RORC: variants seen among roughly 807,000 people sequenced by gnomAD.
RORC encodes the protein nuclear receptor ROR-gamma.
A neutral mutation model predicts 64.5 loss-of-function variants in RORC; 13 were observed. The ratio of observed to expected loss-of-function variants is 0.20; its 90% CI spans 0.13 to 0.32. RORC has a LOEUF of 0.32. Ranked by LOEUF, RORC falls within the 10% of genes least tolerant of loss-of-function variation. RORC has a pLI of 1.00. For synonymous variants in RORC, 277 were observed against 259.3 expected (o/e 1.07, Z -0.65); for missense variants, 468 against 669.5 (o/e 0.70, Z 3.32).
chr1:151,807,167 C>T lies in RORC; in HGVS notation c.*305G>A, dbSNP rs927622185. 3.4e-6 allele frequency: 1 copy of T among 293,968 alleles called. No homozygotes were observed. The highest frequency in any genetic ancestry group is 6.4e-6 in the Non-Finnish European group (1 of 157,404). 18.2% of individuals were successfully genotyped at this position (293,968 alleles called of 1,614,324 possible). The stretch of plus-strand genomic sequence containing the variant: ...TGTTTTCTTGAGGATGTCTTGGTCC[C>T]CCAGAAGTCCTTAAATCCCAGCCAC... On this transcript the variant is annotated 3_prime_UTR_variant, in exon 11 of 11. Transcript: ENST00000318247. The surrounding 1 kb of genome is among the most constrained non-coding windows in gnomAD (Gnocchi z 5.0).
At chr1:151,819,658 C>T (rs1215448559) in intron 2 of RORC, among the ~76,000 whole-genome samples, 1 of 152,162 alleles carries the variant, frequency 6.6e-6, no homozygotes, top group Admixed American at 6.5e-5. Flanking sequence ...GAGCCACATC[C>T]GCGTGCGTGT....
At chr1:151,810,106 G>A (rs1162288588) in intron 10 of RORC, among the ~76,000 whole-genome samples, 1 of 151,958 alleles carries the variant, frequency 6.6e-6, no homozygotes, top group African/African-American at 2.4e-5. Flanking sequence ...TTTTTCTCCT[G>A]TTGTTCTTGG....
intron 8 of RORC, 83 bp downstream of exon 8, chr1:151,813,156 C>G (rs1651605783): frequency 4.0e-6 from 6 of 1,493,968 alleles, no homozygotes; most frequent in African/African-American, 1.4e-5. Flanking sequence ...GCAATTCGCC[C>G]TGAAAAGAGG....
Position 151,807,755 on chromosome 1 carries a change from C to T in RORC, c.1396-122G>A, listed in dbSNP as rs908045143. The T allele has an allele frequency of 1.9e-6, 2 of 1,044,780 alleles. No individual in the cohort carries two copies. Among genetic ancestry groups the T allele is most frequent in the South Asian group, 3.3e-5 (2 of 61,382 alleles). The allele number at this position is 1,044,780 out of a possible 1,614,324, so 64.7% of individuals were successfully genotyped here. On this transcript the variant is annotated intron_variant, in intron 10 of 10. Transcript: ENST00000318247. This position sits in a 1 kb window ranked among gnomAD's most constrained non-coding sequence, Gnocchi z 5.0. ...TTGCCTTCCCCTTATGTACTTGGCA[C>T]TTTGGCACCAGCCAAATCCCACTGG...
At position 151,830,625 on chromosome 1, in the gene RORC, C is replaced by CAT. The variant is rs1482969699; in HGVS notation, c.40+1099_40+1100insAT. ...GTTCAGTCTTGACACCTGACATACA[C>CAT]ACACACACACACACACACACACACA... On this transcript the variant is annotated intron_variant, in intron 1 of 10. Transcript: ENST00000318247. This position sits in a 1 kb window ranked among gnomAD's most constrained non-coding sequence, Gnocchi z 4.0. Among the ~76,000 whole-genome samples the CAT allele has an allele frequency of 8.6e-6, 1 of 116,718 alleles. No homozygotes were observed. The highest frequency in any genetic ancestry group is 1.8e-5 in the Non-Finnish European group (1 of 55,544). 76.6% of individuals were successfully genotyped at this position (116,718 alleles called of 152,430 possible). A position where few individuals can be genotyped will look rare whatever the true frequency, so the allele number is the denominator to read the frequency against.
In RORC at chr1:151,816,752, C is replaced by A; in HGVS notation, c.210G>T (p.Gln70His). ...RCNAAYSCTR[Q>H]QNCPIDRTSR... ...TGGTGCGGTCGATGGGGCAGTTCTG[C>A]TGACGGGTGCAGGAGTAGGCCGCGT... Residue 70 changes from glutamine to histidine, a missense_variant, in exon 4 of 11, where the codon CAG becomes CAT. By Grantham distance (24) the Gln-to-His change is conservative (BLOSUM62 0). Transcript: ENST00000318247. 1 of 1,593,162 alleles carries A rather than the reference C, an allele frequency of 6.3e-7. No homozygotes were observed. The highest frequency in any genetic ancestry group is 1.1e-5 in the South Asian group (1 of 87,814).
At position 151,807,723 on chromosome 1, in the gene RORC, A is replaced by G; in HGVS notation, c.1396-90T>C. 7.2e-7 allele frequency: 1 copy of G among 1,395,012 alleles called. No individual in the cohort carries two copies. The highest frequency in any genetic ancestry group is 9.8e-7 in the Non-Finnish European group (1 of 1,015,656). The allele number at this position is 1,395,012 out of a possible 1,614,324, so 86.4% of individuals were successfully genotyped here. A position where few individuals can be genotyped will look rare whatever the true frequency, so the allele number is the denominator to read the frequency against. On this transcript the variant is annotated intron_variant, in intron 10 of 10. Coordinates refer to ENST00000318247, the MANE Select transcript of RORC (RefSeq NM_005060.4). This position sits in a 1 kb window ranked among gnomAD's most constrained non-coding sequence, Gnocchi z 5.0. ...GCTCATTCTTCCTGGGCTAGGACAAACCCTCCTTGCCTTCCCCTTATGTAC... is the reference window on the plus strand; with the variant it reads ...GCTCATTCTTCCTGGGCTAGGACAAGCCCTCCTTGCCTTCCCCTTATGTAC...
At chr1:151,825,284 G>A (rs1038725669) in intron 2 of RORC, among the ~76,000 whole-genome samples, 9 of 151,470 alleles carry the variant, frequency 5.9e-5, no homozygotes, top group Middle Eastern at 3.2e-3. Context: ...ACACACACAC[G>A]CACACACACA....
intron 2 of RORC, among the ~76,000 whole-genome samples, chr1:151,820,082 C>A (rs1172158721): frequency 6.6e-6 from 1 of 152,172 alleles, no homozygotes; most frequent in East Asian, 1.9e-4. Flanking sequence ...GTATCCTGGC[C>A]TTTGCCCAAC....
At position 151,822,894 on chromosome 1, in the gene RORC, G is replaced by C. The variant is rs563579542; in HGVS notation, c.71-5614C>G. Among the ~76,000 whole-genome samples the C allele has an allele frequency of 2.6e-5, 4 of 152,358 alleles. No homozygotes were observed. In the East Asian group the frequency reaches 7.7e-4, roughly 29 times the overall value. ...ACTAGCTATATGGGAACAGGAGCGC[G>C]GGCCTTGGGCTGCCCGCCTGGGAGA... On this transcript the variant is annotated intron_variant, in intron 2 of 10. Transcript: ENST00000318247.
chr1:151,814,442 C>T (rs1651665690), intron 6 of RORC, 132 bp downstream of exon 6: 3 of 894,212 alleles, frequency 3.4e-6, no homozygotes, highest in Admixed American at 5.3e-5. Context: ...AAGGTGTGCA[C>T]ATGCTTGTTG....
At chr1:151,821,305 A>AT (rs1553291589) in intron 2 of RORC, among the ~76,000 whole-genome samples, 1 of 151,070 alleles carries the variant, frequency 6.6e-6, no homozygotes, top group African/African-American at 2.4e-5. Flanking sequence ...CAGAACCACC[A>AT]CCCCCCCACC....
In RORC at chr1:151,812,919, T is replaced by G. The variant is rs1053857149; in HGVS notation, c.1285+28A>C. The G allele has an allele frequency of 2.1e-6, 3 of 1,440,764 alleles. 1 individual carries two copies. In the African/African-American group the frequency reaches 4.2e-5, roughly 20 times the overall value. The allele number at this position is 1,440,764 out of a possible 1,614,324, so 89.2% of individuals were successfully genotyped here. A position where few individuals can be genotyped will look rare whatever the true frequency, so the allele number is the denominator to read the frequency against. Reference sequence around the variant, plus strand: ...CTGCCATGCCCCTGCCACCTGAATGTCCTTCACCCAAGCCCAGCAACACTC... The same window carrying G: ...CTGCCATGCCCCTGCCACCTGAATGGCCTTCACCCAAGCCCAGCAACACTC... On this transcript the variant is annotated intron_variant, in intron 9 of 10. Transcript: ENST00000318247.
chr1:151,809,063 G>T (rs1651418117), intron 10 of RORC, among the ~76,000 whole-genome samples: 1 of 152,176 alleles, frequency 6.6e-6, no homozygotes, highest in East Asian at 1.9e-4. Flanking sequence ...GCAGACTCTA[G>T]ATTTGATTCT....
chr1:151,820,366 G>A (rs7546811), intron 2 of RORC, among the ~76,000 whole-genome samples: 3,335 of 152,224 alleles, frequency 0.022, 129 homozygotes, highest in African/African-American at 0.077. Context: ...GCAGCAGGTG[G>A]TGGGAACTCA....
chr1:151,815,803 C>T (rs1208269307), intron 4 of RORC, among the ~76,000 whole-genome samples: 3 of 152,074 alleles, frequency 2.0e-5, no homozygotes, highest in Admixed American at 1.3e-4. Context: ...TTGGGAGGGT[C>T]GGAGGAAGAG....
Position 151,830,621 on chromosome 1 carries a change from T to TACACACACACACACACAC in RORC, c.40+1086_40+1103dup, listed in dbSNP as rs1553293049. Among the ~76,000 whole-genome samples, 2,098 of 57,134 alleles carry TACACACACACACACACAC rather than the reference T, an allele frequency of 0.037. 61 individuals are homozygous for TACACACACACACACACAC. The highest frequency in any genetic ancestry group is 0.073 in the South Asian group (76 of 1,046). 37.5% of individuals were successfully genotyped at this position (57,134 alleles called of 152,430 possible). On this transcript the variant is annotated intron_variant, in intron 1 of 10. Coordinates refer to ENST00000318247, the MANE Select transcript of RORC (RefSeq NM_005060.4). This position sits in a 1 kb window ranked among gnomAD's most constrained non-coding sequence, Gnocchi z 4.0. ...TGCTGTTCAGTCTTGACACCTGACATACACACACACACACACACACACACA... is the reference window on the plus strand; with the variant it reads ...TGCTGTTCAGTCTTGACACCTGACATACACACACACACACACACACACACACACACACACACACACACA...
At chr1:151,814,867 C>T in intron 5 of RORC, 46 bp downstream of exon 5, 2 of 1,585,092 alleles carry the variant, frequency 1.3e-6, no homozygotes, top group Non-Finnish European at 1.7e-6. Flanking sequence ...CTGGTGGAAA[C>T]CCCTCCCTCA....
chr1:151,822,438 T>C (rs1652029175), intron 2 of RORC, among the ~76,000 whole-genome samples: 1 of 152,184 alleles, frequency 6.6e-6, no homozygotes, highest in African/African-American at 2.4e-5. Context: ...GAGAAAATAG[T>C]GAAGCTAAAA....
Sources: gnomAD v4.1 joint callset for allele counts (sites outside exome capture counted in the v4.1 genomes callset) on GRCh38, gnomAD v4.1.1 for gene constraint, Gnocchi (gnomAD v3.1) non-coding constraint, MANE v1.5 for transcripts, NCBI Gene and HGNC (gene_info 2026-07-23, HGNC 2026-07-21) for gene names.